The following DCN variants were observed in gnomAD, a reference collection of about 807,000 sequenced individuals.
DCN encodes the protein bone proteoglycan II.
DCN carries 17 observed loss-of-function variants against 36.5 expected under a neutral mutation model. The ratio of observed to expected loss-of-function variants is 0.47; its 90% CI spans 0.32 to 0.70. DCN has a LOEUF of 0.70. Among genes scored for constraint, DCN ranks in the 30% least tolerant of loss-of-function variants. DCN has a pLI of 0.04. For synonymous variants in DCN, 163 were observed against 161.4 expected, an observed-to-expected ratio of 1.01 and a Z score of -0.07; for missense variants, 389 against 430.1, an observed-to-expected ratio of 0.90 and a Z score of 0.84.
chr12:91,151,085 G>A (rs997443686), intron 7 of DCN: 2 of 156,208 alleles, frequency 1.3e-5, no homozygotes, highest in Admixed American at 6.3e-5. Flanking sequence ...ACACACAACA[G>A]GGGGTAGGGG....
chr12:91,157,650 A>ACG (rs529105236), intron 4 of DCN, among the ~76,000 whole-genome samples: 94 of 151,216 alleles, frequency 6.2e-4, no homozygotes, highest in African/African-American at 2.2e-3. Context: ...TTTTTTTGAG[A>ACG]CGTAGTCTCA....
intron 3 of DCN, 53 bp from the exon 4 acceptor site, chr12:91,158,562 T>C: frequency 3.2e-6 from 3 of 945,758 alleles, no homozygotes; most frequent in East Asian, 2.4e-5. Context: ...TCCACATACA[T>C]GTAAAACAAG....
Position 91,143,183 on chromosome 12 carries a change from G to A in DCN, c.*2875C>T, listed in dbSNP as rs905757365. 3.3e-5 allele frequency: 5 copies of A among 152,196 alleles called. No homozygotes were observed. Among genetic ancestry groups the A allele is most frequent in the African/African-American group, 1.2e-4 (5 of 41,430 alleles). 9.4% of individuals were successfully genotyped at this position (152,196 alleles called of 1,614,324 possible). A position where few individuals can be genotyped will look rare whatever the true frequency, so the allele number is the denominator to read the frequency against. ...CAGAAACCTAGGAGGAGCAAGGAAA[G>A]GTCCTCTCCTAAAGGCTTTGGAAGG... is the stretch of plus-strand genomic sequence containing the variant. On this transcript the variant is annotated 3_prime_UTR_variant, in exon 8 of 8. Transcript: ENST00000052754.
At chr12:91,171,091 G>C (rs1219450344) in intron 2 of DCN, among the ~76,000 whole-genome samples, 2 of 152,024 alleles carry the variant, frequency 1.3e-5, no homozygotes, top group African/African-American at 4.8e-5. Flanking sequence ...CAATTAGCCA[G>C]GTTCAATTTA....
At chr12:91,167,815 A>T (rs1882677574) in intron 2 of DCN, among the ~76,000 whole-genome samples, 1 of 151,968 alleles carries the variant, frequency 6.6e-6, no homozygotes. Flanking sequence ...CTCACTCCAG[A>T]ACTATGTTTT....
At position 91,173,063 on chromosome 12, in the gene DCN, A is replaced by C. The variant is rs1004608123; in HGVS notation, c.211+5279T>G. ...AGAGTAACTGAGTCTTTACTGTTAC[A>C]GTATATATGCTAAGGGCTTTCTCTT... On this transcript the variant is annotated intron_variant, in intron 2 of 7. Coordinates refer to ENST00000052754, the MANE Select transcript of DCN (RefSeq NM_001920.5). 2.6e-5 allele frequency among the ~76,000 whole-genome samples: 4 copies of C among 152,298 alleles called. No individual in the cohort carries two copies. The South Asian group carries it at 8.3e-4, about 32-fold the overall frequency.
intron 4 of DCN, 37 bp from the exon 5 acceptor site, chr12:91,157,225 T>A (rs777158190): frequency 7.1e-7 from 1 of 1,404,472 alleles, no homozygotes; most frequent in Admixed American, 1.7e-5. Context: ...TTAGAGGAAA[T>A]TTTAGGATAT....
chr12:91,177,452 A>T, intron 2 of DCN: 1 of 635,354 alleles, frequency 1.6e-6, no homozygotes, highest in South Asian at 1.8e-5. Flanking sequence ...TGATATAAAG[A>T]TTTTTTTTTC....
intron 5 of DCN, among the ~76,000 whole-genome samples, chr12:91,155,203 T>C (rs1449858704): frequency 2.6e-5 from 4 of 152,164 alleles, no homozygotes; most frequent in African/African-American, 9.7e-5. Context: ...TGCCGCTTCC[T>C]AGCTCTAAGA....
intron 2 of DCN, among the ~76,000 whole-genome samples, chr12:91,173,957 A>T (rs1015636263): frequency 3.9e-5 from 6 of 152,204 alleles, no homozygotes; most frequent in African/African-American, 1.4e-4. Flanking sequence ...ACTTTTTCTG[A>T]TATTTTTAAA....
chr12:91,180,299 A>AAAG (rs3072384), intron 1 of DCN: 55,149 of 149,926 alleles, frequency 0.37, 12,198 homozygotes, highest in African/African-American at 0.62. Context: ...AAGAAGAAAG[A>AAAG]AAGAAGGAAG....
chr12:91,153,073 A>C (rs1479714408), intron 6 of DCN, 23 bp downstream of exon 6: 1 of 1,232,772 alleles, frequency 8.1e-7, no homozygotes, highest in Non-Finnish European at 1.2e-6. Flanking sequence ...TTCTGATAGA[A>C]TGTCATGAAA....
At chr12:91,150,286 A>T (rs1881318231) in intron 7 of DCN, among the ~76,000 whole-genome samples, 2 of 152,352 alleles carry the variant, frequency 1.3e-5, no homozygotes, top group South Asian at 2.1e-4. Flanking sequence ...CAACAGTGAC[A>T]AGACAATTCA....
At chr12:91,155,638 C>G (rs1205901565) in intron 5 of DCN, among the ~76,000 whole-genome samples, 3 of 151,938 alleles carry the variant, frequency 2.0e-5, no homozygotes, top group Admixed American at 6.6e-5. Flanking sequence ...ATCTATCTAT[C>G]TATCTATCTA....
intron 7 of DCN, among the ~76,000 whole-genome samples, chr12:91,150,416 T>C (rs758231642): frequency 2.0e-5 from 3 of 152,146 alleles, no homozygotes; most frequent in Non-Finnish European, 4.4e-5. Context: ...TAAAACCAAA[T>C]ACAGGAGTTA....
intron 5 of DCN, among the ~76,000 whole-genome samples, chr12:91,154,623 T>TAAA (rs1266112990): frequency 6.6e-6 from 1 of 152,126 alleles, no homozygotes; most frequent in African/African-American, 2.4e-5. Flanking sequence ...ATTTGTAAAG[T>TAAA]GCATCATTAG....
At chr12:91,157,736 C>G (rs193069770) in intron 4 of DCN, among the ~76,000 whole-genome samples, 140 of 152,114 alleles carry the variant, frequency 9.2e-4, no homozygotes, top group Admixed American at 1.8e-3. Context: ...TCACGCCATT[C>G]TCCTGCCTCA....
intron 3 of DCN, among the ~76,000 whole-genome samples, chr12:91,164,379 A>T (rs11106023): frequency 1.2e-3 from 155 of 131,606 alleles, no homozygotes; most frequent in Middle Eastern, 3.8e-3. Context: ...AAAAAAAATT[A>T]AAAAAAAAAG....
chr12:91,157,175 A>G lies in DCN; in HGVS notation c.552T>C (p.Asn184=). The change falls in exon 5 of 8, where the codon AAT becomes AAC. Residue 184 remains asparagine (N), a synonymous_variant. Transcript: ENST00000052754. The part of the protein sequence containing the change: ...NQMIVIELGT[N]PLKSSGIENG... ...TTTCAATTCCTGAGCTCTTCAGCGG[A>G]TTGGTGCCCAGTTCTACAAATGTAA... The G allele has an allele frequency of 6.2e-7, 1 of 1,613,086 alleles. No individual in the cohort carries two copies.
Sources: allele counts gnomAD v4.1 joint callset (sites outside exome capture counted in the v4.1 genomes callset), GRCh38; gene constraint gnomAD v4.1.1; transcripts MANE v1.5; gene names NCBI Gene and HGNC (gene_info 2026-07-23, HGNC 2026-07-21).